Variants in AFF3 observed in about 807,000 individuals in gnomAD.
The protein encoded by AFF3 is ALF transcription elongation factor 3.
AFF3 carries 32 observed loss-of-function variants against 129.7 expected under a neutral mutation model. The observed-to-expected ratio is 0.25, with a 90% CI of 0.19 to 0.33. The LOEUF (loss-of-function observed/expected upper bound fraction) is 0.33. Ranked by LOEUF, AFF3 falls within the 10% of genes least tolerant of loss-of-function variation. AFF3 has a pLI of 1.00. For missense variants in AFF3, 1,373 were observed against 1,592.0 expected (o/e 0.86, Z 2.34); for synonymous variants, 644 against 635.4 (o/e 1.01, Z -0.20).
chr2:99,952,978 TGATAA>T (rs1461677797), intron 7 of AFF3, among the ~76,000 whole-genome samples: 1 of 152,166 alleles, frequency 6.6e-6, no homozygotes, highest in African/African-American at 2.4e-5. Flanking sequence ...AGGATTTAAG[TGATAA>T]GATAATACAT....
chr2:99,701,460 G>T (rs1676858212), intron 11 of AFF3, among the ~76,000 whole-genome samples: 1 of 152,154 alleles, frequency 6.6e-6, no homozygotes, highest in African/African-American at 2.4e-5. Flanking sequence ...ATAGAAAGCT[G>T]CTTCTTTGAG....
At chr2:100,047,274 C>T (rs2105105134) in intron 4 of AFF3, among the ~76,000 whole-genome samples, 1 of 152,326 alleles carries the variant, frequency 6.6e-6, no homozygotes, top group Non-Finnish European at 1.5e-5. Flanking sequence ...TTATTTAAAA[C>T]ACTGAACTTC....
At chr2:99,580,758 C>A in intron 17 of AFF3, 1 of 161,818 alleles carries the variant, frequency 6.2e-6, no homozygotes, top group Non-Finnish European at 1.4e-5. Context: ...TAGCCCTGGG[C>A]GTGGTGGCCG....
At chr2:99,833,360 T>G (rs1429529093) in intron 8 of AFF3, among the ~76,000 whole-genome samples, 2 of 152,188 alleles carry the variant, frequency 1.3e-5, no homozygotes, top group Non-Finnish European at 2.9e-5. Context: ...AAACAAGTAC[T>G]ACTTACCCCC....
intron 20 of AFF3, among the ~76,000 whole-genome samples, chr2:99,563,254 G>C (rs1461509182): frequency 6.6e-6 from 1 of 151,486 alleles, no homozygotes; most frequent in East Asian, 2.0e-4. Context: ...GCAGTGGCGC[G>C]ATCTTGGCTC....
intron 13 of AFF3, among the ~76,000 whole-genome samples, chr2:99,635,334 A>G (rs897369777): frequency 6.6e-6 from 1 of 152,062 alleles, no homozygotes; most frequent in African/African-American, 2.4e-5. Context: ...GTCTTGCTGC[A>G]TCACTCAGGC....
intron 13 of AFF3, among the ~76,000 whole-genome samples, chr2:99,616,487 C>T (rs1335616278): frequency 1.3e-5 from 2 of 152,118 alleles, no homozygotes; most frequent in Non-Finnish European, 2.9e-5. Flanking sequence ...CCTCATTTAT[C>T]CTCCTTAAAA....
chr2:100,024,864 T>C (rs1683910206), intron 4 of AFF3, among the ~76,000 whole-genome samples: 1 of 152,130 alleles, frequency 6.6e-6, no homozygotes, highest in Admixed American at 6.5e-5. Context: ...TGTGCATTTA[T>C]AGACACATGA....
At chr2:99,575,443 T>C (rs1676898743) in intron 18 of AFF3, among the ~76,000 whole-genome samples, 2 of 146,416 alleles carry the variant, frequency 1.4e-5, no homozygotes, top group African/African-American at 5.2e-5. Context: ...GTATTTTTAG[T>C]AGAGATGGGG....
intron 4 of AFF3, among the ~76,000 whole-genome samples, chr2:100,039,463 C>A (rs1336549441): frequency 6.6e-6 from 1 of 151,974 alleles, no homozygotes; most frequent in African/African-American, 2.4e-5. Flanking sequence ...GAGGCTGAGG[C>A]AAGAAGATCA....
chr2:99,856,813 G>A (rs1006066333), intron 7 of AFF3, among the ~76,000 whole-genome samples: 6 of 152,060 alleles, frequency 3.9e-5, no homozygotes, highest in African/African-American at 1.2e-4. Context: ...TTATATATAA[G>A]TATGTTAATG....
At position 99,550,437 on chromosome 2, in the gene AFF3, A is replaced by C; in HGVS notation, c.*1037T>G. ...ATGGCAAATAGCTCTCAGCCTGGTAAGCGAAGGATTCAGGCTCCTACTGAA... is the reference window on the plus strand; with the variant it reads ...ATGGCAAATAGCTCTCAGCCTGGTACGCGAAGGATTCAGGCTCCTACTGAA... On this transcript the variant is annotated 3_prime_UTR_variant, in exon 25 of 25. Transcript: ENST00000672756. 8.7e-6 allele frequency: 2 copies of C among 230,862 alleles called. No homozygotes were observed. Among genetic ancestry groups the C allele is most frequent in the Non-Finnish European group, 8.6e-6 (1 of 116,564 alleles). The allele number at this position is 230,862 out of a possible 1,614,324, so 14.3% of individuals were successfully genotyped here.
At chr2:99,866,241 A>G (rs1458005153) in intron 7 of AFF3, among the ~76,000 whole-genome samples, 13 of 152,228 alleles carry the variant, frequency 8.5e-5, no homozygotes, top group Non-Finnish European at 1.9e-4. Context: ...GATGCTAACC[A>G]ACTCCACATG....
At chr2:99,647,229 A>G (rs1170003914) in intron 13 of AFF3, among the ~76,000 whole-genome samples, 2 of 152,248 alleles carry the variant, frequency 1.3e-5, no homozygotes, top group Non-Finnish European at 2.9e-5. Context: ...TGTTCACAGT[A>G]GCAAAGACAT....
chr2:99,560,729 A>G (rs1322837481), intron 20 of AFF3, among the ~76,000 whole-genome samples: 2 of 152,230 alleles, frequency 1.3e-5, no homozygotes, highest in Non-Finnish European at 2.9e-5. Context: ...ATTCATGTAT[A>G]TGCTAACATG....
intron 4 of AFF3, among the ~76,000 whole-genome samples, chr2:100,037,216 A>G (rs1465535551): frequency 6.6e-6 from 1 of 151,814 alleles, no homozygotes; most frequent in African/African-American, 2.4e-5. Context: ...AAGTTATGGT[A>G]TATTTATGTA....
At chr2:99,671,849 G>A (rs889816300) in intron 12 of AFF3, among the ~76,000 whole-genome samples, 2 of 152,134 alleles carry the variant, frequency 1.3e-5, no homozygotes, top group African/African-American at 4.8e-5. Flanking sequence ...TTCTTGAAAT[G>A]CAGAAGTGAA....
At chr2:99,678,912 T>A (rs1453128774) in intron 11 of AFF3, among the ~76,000 whole-genome samples, 1 of 152,218 alleles carries the variant, frequency 6.6e-6, no homozygotes, top group Non-Finnish European at 1.5e-5. Context: ...AGTGCTACCA[T>A]CTGCCTGTGG....
intron 8 of AFF3, among the ~76,000 whole-genome samples, chr2:99,785,257 C>T (rs543971269): frequency 6.4e-4 from 98 of 152,230 alleles, no homozygotes; most frequent in African/African-American, 2.0e-3. Context: ...CAAGTGAAAT[C>T]GAGAATTACA....
Sources: allele counts gnomAD v4.1 joint callset (sites outside exome capture counted in the v4.1 genomes callset), GRCh38; gene constraint gnomAD v4.1.1; transcripts MANE v1.5; gene names NCBI Gene and HGNC (gene_info 2026-07-23, HGNC 2026-07-21).